The following ERP44 variants were observed in gnomAD, a reference collection of about 807,000 sequenced individuals.
ERP44 encodes the protein endoplasmic reticulum protein 44.
Under a neutral mutation model 53.4 loss-of-function variants are expected in ERP44, and 25 were observed. That is an observed-to-expected ratio of 0.47 (90% CI 0.34 to 0.65). ERP44 has a LOEUF of 0.65. ERP44 is among the 30% of genes least tolerant of loss of function. The pLI is 0.01. For synonymous variants in ERP44, 145 were observed against 161.2 expected (o/e 0.90, Z 0.76); for missense variants, 338 against 493.2 (o/e 0.69, Z 2.98).
At chr9:100,024,049 G>A (rs1382870341) in intron 4 of ERP44, among the ~76,000 whole-genome samples, 1 of 152,094 alleles carries the variant, frequency 6.6e-6, no homozygotes, top group East Asian at 1.9e-4. Context: ...CAGCTATCTG[G>A]TGGCTGAGGC....
rs545857387 is a variant in ERP44, at chr9:100,017,317, C to T, written c.646-879G>A. On this transcript the variant is annotated intron_variant, in intron 7 of 11. Coordinates refer to ENST00000262455, the MANE Select transcript of ERP44 (RefSeq NM_015051.3). The stretch of plus-strand genomic sequence containing the variant: ...TTTTACTAATTAAGAAACTGAAGCG[C>T]GGGGAAGCGAAGAAACTTTCCCAGA... Among the ~76,000 whole-genome samples the T allele has an allele frequency of 2.6e-5, 4 of 152,182 alleles. No individual in the cohort carries two copies. In the South Asian group the frequency reaches 6.2e-4, roughly 24 times the overall value.
chr9:100,010,668 G>A (rs1049723093), intron 8 of ERP44, among the ~76,000 whole-genome samples: 2 of 152,124 alleles, frequency 1.3e-5, no homozygotes, highest in Admixed American at 1.3e-4. Context: ...TTGGGAGTCT[G>A]AGGCGGGTGG....
chr9:100,078,931 A>G (rs1226942976), intron 1 of ERP44, among the ~76,000 whole-genome samples: 2 of 152,216 alleles, frequency 1.3e-5, no homozygotes, highest in African/African-American at 4.8e-5. Flanking sequence ...TATGTTAGGC[A>G]TAATTATGAC....
At chr9:100,033,887 C>T (rs1225401451) in intron 4 of ERP44, among the ~76,000 whole-genome samples, 1 of 152,154 alleles carries the variant, frequency 6.6e-6, no homozygotes, top group Non-Finnish European at 1.5e-5. Context: ...AATAGGTAGG[C>T]AGGAATATCA....
chr9:100,039,996 A>G (rs1825885302), intron 4 of ERP44, among the ~76,000 whole-genome samples: 1 of 152,118 alleles, frequency 6.6e-6, no homozygotes, highest in Non-Finnish European at 1.5e-5. Context: ...TGAACCGACC[A>G]ATAACAAATA....
At chr9:100,010,967 G>C (rs1240594560) in intron 8 of ERP44, among the ~76,000 whole-genome samples, 1 of 150,130 alleles carries the variant, frequency 6.7e-6, no homozygotes, top group Non-Finnish European at 1.5e-5. Flanking sequence ...TAAACTGTTA[G>C]CAGAAAAAGT....
chr9:100,055,865 A>C (rs966157434), intron 3 of ERP44, among the ~76,000 whole-genome samples: 1 of 152,230 alleles, frequency 6.6e-6, no homozygotes, highest in Non-Finnish European at 1.5e-5. Context: ...CAGAATTATT[A>C]AACTGTGCCA....
At chr9:100,060,749 T>G (rs981214773) in intron 1 of ERP44, among the ~76,000 whole-genome samples, 1 of 152,166 alleles carries the variant, frequency 6.6e-6, no homozygotes, top group African/African-American at 2.4e-5. Context: ...AAAGTTCAAG[T>G]TTATCAAAGA....
At chr9:100,054,377 A>G (rs1364197021) in intron 3 of ERP44, among the ~76,000 whole-genome samples, 1 of 152,116 alleles carries the variant, frequency 6.6e-6, no homozygotes. Context: ...AAAAATTTAG[A>G]TCTGACCTAG....
intron 4 of ERP44, among the ~76,000 whole-genome samples, chr9:100,041,463 A>T (rs569643789): frequency 2.0e-5 from 3 of 152,212 alleles, no homozygotes; most frequent in Non-Finnish European, 4.4e-5. Flanking sequence ...AGATCAAGAG[A>T]TCGAGACCAT....
chr9:99,998,383 TC>T, intron 10 of ERP44: 1 of 618,336 alleles, frequency 1.6e-6, no homozygotes, highest in Non-Finnish European at 2.9e-6. Flanking sequence ...ACACGCGAGC[TC>T]CCGGATCATA....
chr9:100,012,621 G>T (rs1166861556), intron 8 of ERP44, among the ~76,000 whole-genome samples: 1 of 152,064 alleles, frequency 6.6e-6, no homozygotes. Flanking sequence ...TTTTATGGTG[G>T]AAAAGGTATA....
chr9:100,024,249 TA>T (rs1308955944), intron 4 of ERP44, among the ~76,000 whole-genome samples: 3 of 151,594 alleles, frequency 2.0e-5, no homozygotes, highest in Non-Finnish European at 4.4e-5. Context: ...TAAAGTATGG[TA>T]CCCATATAAT....
intron 10 of ERP44, among the ~76,000 whole-genome samples, chr9:99,987,195 T>C (rs771770179): frequency 1.4e-4 from 22 of 151,906 alleles, no homozygotes; most frequent in Admixed American, 1.4e-3. Context: ...AGTAGAAAAA[T>C]AGATTATAAA....
At chr9:100,059,574 C>T (rs1826120495) in intron 2 of ERP44, among the ~76,000 whole-genome samples, 1 of 152,090 alleles carries the variant, frequency 6.6e-6, no homozygotes, top group Non-Finnish European at 1.5e-5. Context: ...GTAGTCCTAG[C>T]TAACTTGGAA....
At chr9:100,025,607 C>T (rs113718195) in intron 4 of ERP44, among the ~76,000 whole-genome samples, 50 of 152,152 alleles carry the variant, frequency 3.3e-4, no homozygotes, top group African/African-American at 1.1e-3. Flanking sequence ...AGGAAGAGAA[C>T]TTCCTTAATT....
chr9:100,087,131 C>G (rs1288479879), intron 1 of ERP44, among the ~76,000 whole-genome samples: 1 of 151,502 alleles, frequency 6.6e-6, no homozygotes, highest in African/African-American at 2.4e-5. Context: ...AATTCAAACC[C>G]TAATCTCCTT....
intron 4 of ERP44, among the ~76,000 whole-genome samples, chr9:100,025,107 C>A: frequency 6.6e-6 from 1 of 152,064 alleles, no homozygotes; most frequent in Non-Finnish European, 1.5e-5. Flanking sequence ...AAAAATAATC[C>A]TACAATTATT....
intron 4 of ERP44, among the ~76,000 whole-genome samples, chr9:100,038,498 T>A (rs189406007): frequency 5.9e-5 from 9 of 151,296 alleles, no homozygotes; most frequent in Admixed American, 1.3e-4. Flanking sequence ...ATACAACTGA[T>A]AAATAAAAAA....
Sources: gnomAD v4.1 joint callset for allele counts (sites outside exome capture counted in the v4.1 genomes callset) on GRCh38, gnomAD v4.1.1 for gene constraint, MANE v1.5 for transcripts, NCBI Gene and HGNC (gene_info 2026-07-23, HGNC 2026-07-21) for gene names.